The following DAPK1 variants were observed in gnomAD, a reference collection of about 807,000 sequenced individuals.
The protein encoded by DAPK1 is death associated protein kinase 1, also known as death-associated protein kinase 1.
A neutral mutation model predicts 144.9 loss-of-function variants in DAPK1; 56 were observed. The ratio of observed to expected loss-of-function variants is 0.39; its 90% CI spans 0.31 to 0.48. The LOEUF (loss-of-function observed/expected upper bound fraction) is 0.48. Ranked by LOEUF, DAPK1 falls within the 20% of genes least tolerant of loss-of-function variation. The pLI is 0.95. For synonymous variants in DAPK1, 690 were observed against 749.0 expected, an observed-to-expected ratio of 0.92 and a Z score of 1.29; for missense variants, 1,454 against 1,875.4, an observed-to-expected ratio of 0.78 and a Z score of 4.15.
intron 19 of DAPK1, among the ~76,000 whole-genome samples, chr9:87,675,848 T>TACACACACAC (rs763359644): frequency 0.063 from 7,376 of 117,178 alleles, 349 homozygotes; most frequent in East Asian, 0.08. Flanking sequence ...CATTCTACCC[T>TACACACACAC]ACACACACAC....
chr9:87,685,980 TG>T (rs1346869597), intron 20 of DAPK1, among the ~76,000 whole-genome samples: 1 of 152,212 alleles, frequency 6.6e-6, no homozygotes, highest in Non-Finnish European at 1.5e-5. Flanking sequence ...GGAGACTCGC[TG>T]CAAGAACAAC....
At position 87,584,085 on chromosome 9, in the gene DAPK1, T is replaced by A. The variant is rs1348199203; in HGVS notation, c.63-20869T>A. Among the ~76,000 whole-genome samples the A allele has an allele frequency of 9.9e-5, 15 of 152,220 alleles. 1 individual carries two copies. Among genetic ancestry groups the A allele is most frequent in the Admixed American group, 9.2e-4 (14 of 15,290 alleles). On this transcript the variant is annotated intron_variant, in intron 2 of 25. Transcript: ENST00000408954. ...AAATTGACAGATAAAATTGCATGCATTTACTGTGTACAACATGATGTTTTG... is the reference window on the plus strand; with the variant it reads ...AAATTGACAGATAAAATTGCATGCAATTACTGTGTACAACATGATGTTTTG...
intron 2 of DAPK1, among the ~76,000 whole-genome samples, chr9:87,551,884 G>C (rs374293238): frequency 1.3e-5 from 2 of 152,134 alleles, no homozygotes; most frequent in Admixed American, 6.5e-5. Flanking sequence ...TGATAGACAC[G>C]TGAAAGTCTA....
Position 87,688,386 on chromosome 9 carries a change from G to C in DAPK1, c.2413+1647G>C, listed in dbSNP as rs944847460. Among the ~76,000 whole-genome samples the C allele has an allele frequency of 2.0e-5, 3 of 152,214 alleles. No individual in the cohort carries two copies. In the South Asian group the frequency reaches 6.2e-4, roughly 32 times the overall value. ...CTCCGTGTCGTTGCTGTTGTGAATAGTGCTGCAATGAACATACTAGTGCAT... is the reference window on the plus strand; with the variant it reads ...CTCCGTGTCGTTGCTGTTGTGAATACTGCTGCAATGAACATACTAGTGCAT... On this transcript the variant is annotated intron_variant, in intron 21 of 25. Transcript: ENST00000408954.
intron 17 of DAPK1, among the ~76,000 whole-genome samples, chr9:87,653,767 C>G (rs1248613499): frequency 6.6e-6 from 1 of 152,006 alleles, no homozygotes; most frequent in Admixed American, 6.6e-5. Flanking sequence ...AATCTTGGCT[C>G]GCTGCAACCT....
rs748189420 is a variant in DAPK1 at position 87,707,362 on chromosome 9, T to C, written c.4291T>C (p.Ter1431ArgextTer18). The change falls in exon 26 of 26, where the codon TGA becomes CGA. Residue 1431 changes from the stop codon to arginine, a stop_lost. Coordinates refer to ENST00000408954, the MANE Select transcript of DAPK1 (RefSeq NM_004938.4). This position sits in a 1 kb window ranked among gnomAD's most constrained non-coding sequence, Gnocchi z 4.0. The part of the protein sequence containing the change: ...YNSISSVVSR[*>R] Reference sequence around the variant, plus strand: ...TTCCATTAGCTCTGTTGTATCCCGGTGAGGGCAGCCTCTGGCTTGGGCAGG... The same window carrying C: ...TTCCATTAGCTCTGTTGTATCCCGGCGAGGGCAGCCTCTGGCTTGGGCAGG... 1.3e-6 allele frequency: 2 copies of C among 1,593,348 alleles called. No individual in the cohort carries two copies. Among genetic ancestry groups the C allele is most frequent in the African/African-American group, 1.3e-5 (1 of 74,684 alleles).
At chr9:87,571,556 AG>A (rs1827362191) in intron 2 of DAPK1, among the ~76,000 whole-genome samples, 1 of 146,640 alleles carries the variant, frequency 6.8e-6, no homozygotes, top group Non-Finnish European at 1.5e-5. Flanking sequence ...GAGAGGGAAA[AG>A]GGAACAGAGA....
chr9:87,565,041 T>C (rs1056324636), intron 2 of DAPK1, among the ~76,000 whole-genome samples: 2 of 152,194 alleles, frequency 1.3e-5, no homozygotes, highest in Non-Finnish European at 2.9e-5. Context: ...AGGAAGACCC[T>C]ATCCACATTT....
intron 2 of DAPK1, among the ~76,000 whole-genome samples, chr9:87,528,791 G>C (rs150028802): frequency 1.3e-4 from 19 of 147,756 alleles, no homozygotes; most frequent in African/African-American, 4.0e-4. Context: ...AGAATTTCTT[G>C]AACCCAGGAG....
intron 2 of DAPK1, among the ~76,000 whole-genome samples, chr9:87,574,641 C>G (rs887816186): frequency 3.3e-5 from 5 of 152,162 alleles, no homozygotes; most frequent in Non-Finnish European, 7.3e-5. Context: ...AGAAGGTGAC[C>G]AGGCACGGTG....
chr9:87,654,785 A>T lies in DAPK1; in HGVS notation c.1824+3061A>T, dbSNP rs1564051357. ...TACTATGTGTGCAGCATCTAGAATC[A>T]GCTCTCCCCTTGTGAGAGGAGAGAG... On this transcript the variant is annotated intron_variant, in intron 17 of 25. Transcript: ENST00000408954. Among the ~76,000 whole-genome samples the T allele has an allele frequency of 2.0e-5, 3 of 152,164 alleles. 1 individual carries two copies. The East Asian group carries it at 5.8e-4, about 29-fold the overall frequency.
chr9:87,674,407 C>T (rs1232426390), intron 19 of DAPK1, among the ~76,000 whole-genome samples: 2 of 147,140 alleles, frequency 1.4e-5, no homozygotes, highest in African/African-American at 2.5e-5. Flanking sequence ...CCCAGCTACT[C>T]GGGAGGCTGA....
chr9:87,598,288 A>G (rs944495577), intron 2 of DAPK1, among the ~76,000 whole-genome samples: 1 of 152,226 alleles, frequency 6.6e-6, no homozygotes, highest in Non-Finnish European at 1.5e-5. Flanking sequence ...ATGAGAAACC[A>G]TATTGGAAAG....
intron 2 of DAPK1, among the ~76,000 whole-genome samples, chr9:87,562,512 C>G (rs566249754): frequency 4.6e-5 from 7 of 152,292 alleles, no homozygotes; most frequent in Non-Finnish European, 8.8e-5. Context: ...TGGGTGTGTC[C>G]TCCTACCTCA....
At chr9:87,629,790 C>T (rs948655665) in intron 3 of DAPK1, among the ~76,000 whole-genome samples, 6 of 152,132 alleles carry the variant, frequency 3.9e-5, no homozygotes, top group Non-Finnish European at 8.8e-5. Context: ...ATCTGCTGTC[C>T]TACCTATAGG....
chr9:87,606,434 T>A lies in DAPK1; in HGVS notation c.284+1259T>A, dbSNP rs137976186. Among the ~76,000 whole-genome samples the A allele has an allele frequency of 1.8e-3, 274 of 152,208 alleles. 2 individuals are homozygous for A. The highest frequency in any genetic ancestry group is 5.7e-3 in the African/African-American group (235 of 41,520). ...CACTGTGCTGGTTGGTAGATGACAT[T>A]AATATGCTCCCTCCCTCCCTTCCTT... On this transcript the variant is annotated intron_variant, in intron 3 of 25. Transcript: ENST00000408954.
chr9:87,528,132 C>T (rs940798715), intron 2 of DAPK1, among the ~76,000 whole-genome samples: 7 of 152,156 alleles, frequency 4.6e-5, no homozygotes, highest in Admixed American at 6.5e-5. Context: ...GTGAATCAGA[C>T]TTGAGAGAAC....
chr9:87,555,506 ATT>A (rs71371248), intron 2 of DAPK1, among the ~76,000 whole-genome samples: 7 of 148,104 alleles, frequency 4.7e-5, no homozygotes, highest in Admixed American at 2.0e-4. Context: ...TTATTTAGTT[ATT>A]TTTTTTTTTT....
At chr9:87,639,750 T>C (rs1461436671) in intron 6 of DAPK1, 39 bp from the exon 7 acceptor site, 3 of 1,613,078 alleles carry the variant, frequency 1.9e-6, no homozygotes, top group Admixed American at 3.3e-5. Flanking sequence ...TTGACTATTC[T>C]TCTGACATGT....
Sources: allele counts gnomAD v4.1 joint callset (sites outside exome capture counted in the v4.1 genomes callset), GRCh38; gene constraint gnomAD v4.1.1; non-coding constraint Gnocchi (gnomAD v3.1); transcripts MANE v1.5; gene names NCBI Gene and HGNC (gene_info 2026-07-23, HGNC 2026-07-21).